SEMA3D: variants seen among roughly 807,000 people sequenced by gnomAD.
SEMA3D encodes semaphorin 3D.
SEMA3D carries 84 observed loss-of-function variants against 100.1 expected under a neutral mutation model. The ratio of observed to expected loss-of-function variants is 0.84; its 90% CI spans 0.70 to 1.01. The LOEUF (loss-of-function observed/expected upper bound fraction) is 1.01. SEMA3D is among the 50% of genes least tolerant of loss of function. The pLI is 0.00. For missense variants in SEMA3D, 875 were observed against 934.1 expected (o/e 0.94, Z 0.82); for synonymous variants, 312 against 320.7 (o/e 0.97, Z 0.29).
At chr7:85,236,275 AT>A in the SEMA3D span, among the ~76,000 whole-genome samples, 12 of 139,518 alleles carry the variant, frequency 8.6e-5, no homozygotes, top group Admixed American at 1.4e-4. Context: ...ATTTTATTTT[AT>A]TTTATTTTAT....
chr7:85,105,544 AG>A (rs1788892255), intron 3 of SEMA3D, among the ~76,000 whole-genome samples: 2 of 152,108 alleles, frequency 1.3e-5, no homozygotes, highest in Admixed American at 1.3e-4. Flanking sequence ...AAGCATATAA[AG>A]AAAAAATATT....
chr7:85,018,132 T>C, intron 15 of SEMA3D, 120 bp downstream of exon 15: 1 of 717,942 alleles, frequency 1.4e-6, no homozygotes, highest in Non-Finnish European at 2.5e-6. Context: ...GAGAAACAAA[T>C]AATGTTTTAA....
chr7:85,089,379 A>G (rs2116273253), intron 4 of SEMA3D, among the ~76,000 whole-genome samples: 1 of 152,190 alleles, frequency 6.6e-6, no homozygotes, highest in Non-Finnish European at 1.5e-5. Flanking sequence ...GGTCTTTTCT[A>G]ATAACCAATC....
intron 12 of SEMA3D, among the ~76,000 whole-genome samples, chr7:85,029,866 C>T (rs1790496834): frequency 1.3e-5 from 2 of 151,890 alleles, no homozygotes; most frequent in South Asian, 4.2e-4. Flanking sequence ...TAACATTGCA[C>T]TTTATAAACA....
At chr7:85,007,295 A>T (rs1789826872) in intron 17 of SEMA3D, among the ~76,000 whole-genome samples, 1 of 151,878 alleles carries the variant, frequency 6.6e-6, no homozygotes, top group Non-Finnish European at 1.5e-5. Flanking sequence ...TTAATATAAA[A>T]TATAAACAAT....
intron 4 of SEMA3D, among the ~76,000 whole-genome samples, chr7:85,086,834 C>A (rs907163648): frequency 6.6e-6 from 1 of 152,080 alleles, no homozygotes; most frequent in Admixed American, 6.5e-5. Flanking sequence ...CCAAGAGGTA[C>A]CTGTGTTCCT....
At chr7:85,163,348 G>A (rs1466979069) in intron 1 of SEMA3D, among the ~76,000 whole-genome samples, 1 of 151,998 alleles carries the variant, frequency 6.6e-6, no homozygotes, top group African/African-American at 2.4e-5. Flanking sequence ...TAAGAAAATT[G>A]TTATAAAGCA....
At chr7:85,177,233 A>G (rs1306098395) in intron 1 of SEMA3D, among the ~76,000 whole-genome samples, 4 of 152,322 alleles carry the variant, frequency 2.6e-5, no homozygotes, top group Admixed American at 6.5e-5. Context: ...GGGAGATAGT[A>G]AGATGGTAGC....
intron 4 of SEMA3D, among the ~76,000 whole-genome samples, chr7:85,092,088 C>T (rs1014845498): frequency 1.3e-5 from 2 of 151,954 alleles, no homozygotes; most frequent in African/African-American, 2.4e-5. Flanking sequence ...AACAACAAAC[C>T]CCAAGTTCCA....
intron 2 of SEMA3D, among the ~76,000 whole-genome samples, chr7:85,130,567 G>T (rs1179543912): frequency 2.0e-5 from 3 of 152,098 alleles, no homozygotes; most frequent in African/African-American, 7.2e-5. Flanking sequence ...GGAGAAATCT[G>T]AATTTTGCTA....
At chr7:85,050,707 G>T in intron 9 of SEMA3D, 2 of 507,786 alleles carry the variant, frequency 3.9e-6, no homozygotes, top group East Asian at 3.4e-5. Context: ...AAATTACTTT[G>T]ACTATGTTCA....
chr7:84,999,365 A>C lies in SEMA3D; in HGVS notation c.*75T>G. 8.9e-6 allele frequency: 10 copies of C among 1,127,974 alleles called. No individual in the cohort carries two copies. In the South Asian group the frequency reaches 1.3e-4, roughly 15 times the overall value. 69.9% of individuals were successfully genotyped at this position (1,127,974 alleles called of 1,614,324 possible). A position where few individuals can be genotyped will look rare whatever the true frequency, so the allele number is the denominator to read the frequency against. On this transcript the variant is annotated 3_prime_UTR_variant, in exon 19 of 19. Transcript: ENST00000284136. The stretch of plus-strand genomic sequence containing the variant: ...ACTCCATGGGAAGCATTTATGAATT[A>C]CTATAAGGGATATACAAAACAGAAG...
rs67267318 is a variant in SEMA3D at position 85,058,747 on chromosome 7, C to CAAAAAAAA, written c.719-2896_719-2889dup. Among the ~76,000 whole-genome samples the CAAAAAAAA allele has an allele frequency of 1.4e-4, 9 of 64,268 alleles. 1 individual carries two copies. Among genetic ancestry groups the CAAAAAAAA allele is most frequent in the Admixed American group, 1.9e-4 (1 of 5,336 alleles). The allele number at this position is 64,268 out of a possible 152,430, so 42.2% of individuals were successfully genotyped here. A position where few individuals can be genotyped will look rare whatever the true frequency, so the allele number is the denominator to read the frequency against. Reference sequence around the variant, plus strand: ...TGGGCGACAGAGCGAGACTCCACTACAAAAAAAAAAAAAAAAAAAAGCAAC... The same window carrying CAAAAAAAA: ...TGGGCGACAGAGCGAGACTCCACTACAAAAAAAAAAAAAAAAAAAAAAAAAAAAGCAAC... On this transcript the variant is annotated intron_variant, in intron 8 of 18. Coordinates refer to ENST00000284136, the MANE Select transcript of SEMA3D (RefSeq NM_001384900.1).
At chr7:85,075,551 T>G (rs1043591991) in intron 5 of SEMA3D, among the ~76,000 whole-genome samples, 3 of 152,132 alleles carry the variant, frequency 2.0e-5, no homozygotes, top group African/African-American at 7.2e-5. Context: ...TGACAAGGCA[T>G]ACCTCAGATT....
intron 2 of SEMA3D, among the ~76,000 whole-genome samples, chr7:85,137,024 G>C (rs1789886757): frequency 6.6e-6 from 1 of 152,024 alleles, no homozygotes; most frequent in South Asian, 2.1e-4. Flanking sequence ...GCCAAGCAAA[G>C]TGTCTATGAA....
At chr7:85,210,778 C>G in the SEMA3D span, among the ~76,000 whole-genome samples, 1 of 151,990 alleles carries the variant, frequency 6.6e-6, no homozygotes, top group Non-Finnish European at 1.5e-5. Flanking sequence ...TTATTATTGT[C>G]TAATTTGTGT....
intron 17 of SEMA3D, among the ~76,000 whole-genome samples, chr7:85,008,349 A>G (rs1187364413): frequency 6.6e-6 from 1 of 151,826 alleles, no homozygotes; most frequent in Non-Finnish European, 1.5e-5. Flanking sequence ...TGAGCTCATT[A>G]TCTGAACTCT....
intron 3 of SEMA3D, among the ~76,000 whole-genome samples, chr7:85,109,916 T>C (rs1283576622): frequency 2.0e-5 from 3 of 151,948 alleles, no homozygotes; most frequent in African/African-American, 7.2e-5. Context: ...CAAGATCTAT[T>C]CAAAAAGAGT....
chr7:85,189,702 G>C (rs1415854792), upstream of SEMA3D, among the ~76,000 whole-genome samples: 1 of 152,222 alleles, frequency 6.6e-6, no homozygotes, highest in African/African-American at 2.4e-5. Context: ...TAACTTTCAT[G>C]TTCTTGGAAA....
Sources: allele counts gnomAD v4.1 joint callset (sites outside exome capture counted in the v4.1 genomes callset), GRCh38; gene constraint gnomAD v4.1.1; transcripts MANE v1.5; gene names NCBI Gene and HGNC (gene_info 2026-07-23, HGNC 2026-07-21).